Variants in CPQ observed in about 807,000 individuals in gnomAD.
CPQ encodes the protein Ser-Met dipeptidase.
CPQ carries 37 observed loss-of-function variants against 45.7 expected under a neutral mutation model. That is an observed-to-expected ratio of 0.81 (90% CI 0.62 to 1.07). CPQ has a LOEUF of 1.07. CPQ is among the 50% of genes least tolerant of loss of function. The pLI is 0.00. For missense variants in CPQ, 537 were observed against 572.9 expected (o/e 0.94, Z 0.64); for synonymous variants, 186 against 205.8 (o/e 0.90, Z 0.82).
chr8:97,002,502 C>T (rs1256413279), intron 5 of CPQ, among the ~76,000 whole-genome samples: 2 of 152,156 alleles, frequency 1.3e-5, no homozygotes, highest in Non-Finnish European at 2.9e-5. Flanking sequence ...TTGATTTCTG[C>T]CTTAATTTCA....
At chr8:96,969,307 T>C (rs1475533943) in intron 5 of CPQ, among the ~76,000 whole-genome samples, 1 of 152,242 alleles carries the variant, frequency 6.6e-6, no homozygotes, top group African/African-American at 2.4e-5. Flanking sequence ...TCTTCATTCA[T>C]TCACTCAACA....
chr8:97,034,658 A>G (rs1362377078), intron 6 of CPQ, among the ~76,000 whole-genome samples: 1 of 152,212 alleles, frequency 6.6e-6, no homozygotes, highest in Admixed American at 6.5e-5. Context: ...ATCAAGGTAT[A>G]TAGCATTCCT....
chr8:96,925,582 C>G (rs1812861981), intron 4 of CPQ, among the ~76,000 whole-genome samples: 1 of 152,106 alleles, frequency 6.6e-6, no homozygotes, highest in Non-Finnish European at 1.5e-5. Context: ...AGGGTTTTGC[C>G]AGGTTAGCCA....
chr8:96,674,595 T>C (rs550685556), intron 1 of CPQ, among the ~76,000 whole-genome samples: 77 of 152,264 alleles, frequency 5.1e-4, no homozygotes, highest in South Asian at 6.2e-4. Context: ...TACAGGCACA[T>C]CTTTTCAGGT....
rs377084458 is a variant in CPQ, at chr8:96,793,851, A to G, written c.433+8521A>G. Among the ~76,000 whole-genome samples, 349 of 152,368 alleles carry G rather than the reference A, an allele frequency of 2.3e-3. 4 individuals carry two copies. The highest frequency in any genetic ancestry group is 8.2e-3 in the African/African-American group (341 of 41,590). On this transcript the variant is annotated intron_variant, in intron 2 of 7. Transcript: ENST00000220763. ...GGGGCTACAGGTCCCATGCAAGTCCAAAATCCAGCAGGGCAGCCAAATCTT... is the reference window on the plus strand; with the variant it reads ...GGGGCTACAGGTCCCATGCAAGTCCGAAATCCAGCAGGGCAGCCAAATCTT...
At chr8:96,748,366 A>C (rs1421830474) in intron 1 of CPQ, among the ~76,000 whole-genome samples, 1 of 152,094 alleles carries the variant, frequency 6.6e-6, no homozygotes, top group Non-Finnish European at 1.5e-5. Flanking sequence ...CCAAATTTTT[A>C]CCCACATCCA....
chr8:96,671,627 G>T (rs1396150370), intron 1 of CPQ, among the ~76,000 whole-genome samples: 1 of 152,140 alleles, frequency 6.6e-6, no homozygotes, highest in East Asian at 1.9e-4. Context: ...CATTAAATTT[G>T]AAAGAATATT....
intron 5 of CPQ, among the ~76,000 whole-genome samples, chr8:96,973,180 T>C (rs1813710290): frequency 6.6e-6 from 1 of 151,952 alleles, no homozygotes; most frequent in African/African-American, 2.4e-5. Flanking sequence ...ACAGCATAAA[T>C]GTAAAACAAT....
intron 1 of CPQ, among the ~76,000 whole-genome samples, chr8:96,736,042 A>T (rs1809978514): frequency 6.6e-6 from 1 of 151,366 alleles, no homozygotes. Context: ...GCCATTAGGG[A>T]CTCAACACAG....
chr8:96,750,613 C>G (rs1161367551), intron 1 of CPQ, among the ~76,000 whole-genome samples: 3 of 143,802 alleles, frequency 2.1e-5, no homozygotes, highest in Non-Finnish European at 3.1e-5. Context: ...CTGGTTTTCA[C>G]TTTTTTTTTT....
chr8:96,925,980 G>A (rs1014852318), intron 4 of CPQ, among the ~76,000 whole-genome samples: 39 of 152,258 alleles, frequency 2.6e-4, no homozygotes, highest in Admixed American at 2.0e-3. Flanking sequence ...GAGCCACCGC[G>A]CCCGGCTGGC....
At chr8:96,923,210 C>T (rs1333857920) in intron 4 of CPQ, among the ~76,000 whole-genome samples, 2 of 152,232 alleles carry the variant, frequency 1.3e-5, no homozygotes, top group African/African-American at 2.4e-5. Context: ...TCTCTTGCCA[C>T]TGAATATAGA....
intron 1 of CPQ, among the ~76,000 whole-genome samples, chr8:96,726,673 A>G (rs980287394): frequency 3.3e-5 from 5 of 152,092 alleles, no homozygotes; most frequent in Admixed American, 6.6e-5. Context: ...CCATAATCCA[A>G]TCACCTCCCA....
chr8:96,806,324 A>C (rs1298132837), intron 2 of CPQ, among the ~76,000 whole-genome samples: 1 of 152,184 alleles, frequency 6.6e-6, no homozygotes, highest in Non-Finnish European at 1.5e-5. Context: ...TGTTTGGCAA[A>C]GCAGAAACTC....
At chr8:97,116,302 C>T (rs75973446) in intron 7 of CPQ, among the ~76,000 whole-genome samples, 2,140 of 152,122 alleles carry the variant, frequency 0.014, 18 homozygotes, top group Middle Eastern at 0.027. Flanking sequence ...GGAGAATGTC[C>T]CCTGAATATG....
chr8:96,921,133 T>C (rs561512090), intron 4 of CPQ, among the ~76,000 whole-genome samples: 46 of 152,290 alleles, frequency 3.0e-4, no homozygotes, highest in African/African-American at 1.0e-3. Flanking sequence ...CACAAACACA[T>C]AGCTGCTCAG....
intron 7 of CPQ, among the ~76,000 whole-genome samples, chr8:97,087,108 T>G (rs1811051975): frequency 6.6e-6 from 1 of 152,186 alleles, no homozygotes; most frequent in South Asian, 2.1e-4. Flanking sequence ...TCCTTTGATG[T>G]TGTTTGCCCC....
At chr8:97,078,408 A>C (rs1237107075) in intron 7 of CPQ, among the ~76,000 whole-genome samples, 1 of 152,200 alleles carries the variant, frequency 6.6e-6, no homozygotes, top group Non-Finnish European at 1.5e-5. Flanking sequence ...AGACAGGACT[A>C]GGAAACACTT....
chr8:96,650,883 T>C (rs1047913126), intron 1 of CPQ, among the ~76,000 whole-genome samples: 2 of 152,232 alleles, frequency 1.3e-5, no homozygotes, highest in Non-Finnish European at 2.9e-5. Flanking sequence ...CAAAGTGTTA[T>C]GATTAAATTT....
Sources: gnomAD v4.1 joint callset for allele counts (sites outside exome capture counted in the v4.1 genomes callset) on GRCh38, gnomAD v4.1.1 for gene constraint, MANE v1.5 for transcripts, NCBI Gene and HGNC (gene_info 2026-07-23, HGNC 2026-07-21) for gene names.